PPP4R4: variants seen among roughly 807,000 people sequenced by gnomAD.
PPP4R4 encodes serine/threonine-protein phosphatase 4 regulatory subunit 4.
Under a neutral mutation model 121.8 loss-of-function variants are expected in PPP4R4, and 70 were observed. The ratio of observed to expected loss-of-function variants is 0.57; its 90% confidence interval spans 0.47 to 0.70. PPP4R4 has a LOEUF of 0.70. Ranked by LOEUF, PPP4R4 falls within the 30% of genes least tolerant of loss-of-function variation. The pLI, the probability that PPP4R4 is intolerant of heterozygous loss-of-function variation, is 0.00. For synonymous variants in PPP4R4, 348 were observed against 355.7 expected (o/e 0.98, Z 0.24); for missense variants, 875 against 1,033.6 (o/e 0.85, Z 2.10).
intron 3 of PPP4R4, among the ~76,000 whole-genome samples, chr14:94,209,482 A>T (rs1459491881): frequency 6.6e-6 from 1 of 152,108 alleles, no homozygotes; most frequent in African/African-American, 2.4e-5. Context: ...ATACCATGTT[A>T]TTTTCATGAG....
chr14:94,257,911 G>A (rs999914306), intron 17 of PPP4R4, among the ~76,000 whole-genome samples: 8 of 152,024 alleles, frequency 5.3e-5, no homozygotes, highest in South Asian at 2.1e-4. Flanking sequence ...CTTATTTTCA[G>A]TATGCTGCAT....
At chr14:94,200,683 T>TAG (rs1167793145) in intron 2 of PPP4R4, among the ~76,000 whole-genome samples, 1 of 152,184 alleles carries the variant, frequency 6.6e-6, no homozygotes, top group Non-Finnish European at 1.5e-5. Context: ...TTGTGATATC[T>TAG]CCCGTTTCAT....
chr14:94,259,422 G>T, intron 19 of PPP4R4, 53 bp downstream of exon 19: 5 of 1,437,150 alleles, frequency 3.5e-6, no homozygotes, highest in Non-Finnish European at 4.6e-6. Context: ...TAATAACTGT[G>T]TTTTTTTATT....
intron 11 of PPP4R4, 23 bp from the exon 12 acceptor site, chr14:94,244,612 G>A (rs45581733): frequency 0.03 from 43,917 of 1,451,068 alleles, 867 homozygotes; most frequent in Non-Finnish European, 0.037. Flanking sequence ...TCAAATCTGA[G>A]AGACTTTATT....
chr14:94,230,402 G>A (rs193092517), intron 3 of PPP4R4, among the ~76,000 whole-genome samples, 185 bp from the exon 4 acceptor site: 3 of 152,192 alleles, frequency 2.0e-5, no homozygotes, highest in African/African-American at 4.8e-5. Context: ...ATTTTATGTA[G>A]TGTAATGAGT....
At chr14:94,177,326 ACTT>A (rs966075799) in intron 2 of PPP4R4, among the ~76,000 whole-genome samples, 1 of 152,106 alleles carries the variant, frequency 6.6e-6, no homozygotes, top group Non-Finnish European at 1.5e-5. Flanking sequence ...TTCAAAGAAA[ACTT>A]CTATTTATGT....
intron 2 of PPP4R4, among the ~76,000 whole-genome samples, chr14:94,179,116 TTAAG>T (rs36118571): frequency 0.16 from 23,995 of 152,122 alleles, 1,992 homozygotes; most frequent in Middle Eastern, 0.24. Flanking sequence ...AACTGTACAG[TTAAG>T]TGAGTTTTAG....
At chr14:94,201,005 C>A (rs1053458318) in intron 2 of PPP4R4, among the ~76,000 whole-genome samples, 4 of 152,224 alleles carry the variant, frequency 2.6e-5, no homozygotes, top group Middle Eastern at 3.4e-3. Flanking sequence ...TGCTCTATCC[C>A]AGTGATTTTG....
chr14:94,256,141 T>A (rs1010180126), intron 16 of PPP4R4, among the ~76,000 whole-genome samples: 24 of 152,194 alleles, frequency 1.6e-4, no homozygotes, highest in African/African-American at 5.8e-4. Context: ...CTGCCCCTGG[T>A]ACTCCCTTGT....
chr14:94,258,270 A>G (rs1406155643), intron 17 of PPP4R4, among the ~76,000 whole-genome samples: 1 of 152,166 alleles, frequency 6.6e-6, no homozygotes, highest in African/African-American at 2.4e-5. Flanking sequence ...TAGATTGACC[A>G]TTGTTTTGAT....
chr14:94,197,169 C>T (rs1368105009), intron 2 of PPP4R4, among the ~76,000 whole-genome samples: 2 of 152,100 alleles, frequency 1.3e-5, no homozygotes, highest in South Asian at 2.1e-4. Context: ...AATTTGGATT[C>T]TGTTTCCCAG....
chr14:94,252,252 C>A (rs1315193224), intron 16 of PPP4R4, among the ~76,000 whole-genome samples: 1 of 152,164 alleles, frequency 6.6e-6, no homozygotes, highest in African/African-American at 2.4e-5. Flanking sequence ...CTTATCACTT[C>A]AAAGTTGTTT....
intron 3 of PPP4R4, among the ~76,000 whole-genome samples, chr14:94,211,530 G>C (rs1890737393): frequency 1.3e-5 from 2 of 152,140 alleles, no homozygotes; most frequent in Non-Finnish European, 2.9e-5. Flanking sequence ...TGGACCCAGT[G>C]GATGGTGTGG....
rs568325890 is a variant in PPP4R4, at chr14:94,228,778, G to A, written c.295-1809G>A. Among the ~76,000 whole-genome samples the A allele has an allele frequency of 5.9e-5, 9 of 152,322 alleles. No homozygotes were observed. The South Asian group carries it at 1.5e-3, about 25-fold the overall frequency. On this transcript the variant is annotated intron_variant, in intron 3 of 24. Coordinates refer to ENST00000304338, the MANE Select transcript of PPP4R4 (RefSeq NM_058237.2). Reference sequence around the variant, plus strand: ...CTGAATGCCTGCTGTGTGCTAGGAGGTGGGGACACATGAAGCTTGTGTCCA... The same window carrying A: ...CTGAATGCCTGCTGTGTGCTAGGAGATGGGGACACATGAAGCTTGTGTCCA...
chr14:94,259,491 G>C, intron 19 of PPP4R4, 122 bp downstream of exon 19: 1 of 1,280,782 alleles, frequency 7.8e-7, no homozygotes, highest in Non-Finnish European at 1.0e-6. Flanking sequence ...CTTCTTAAAT[G>C]ATAGTCCAGT....
chr14:94,208,222 C>A (rs1485774265), intron 2 of PPP4R4, among the ~76,000 whole-genome samples: 2 of 151,926 alleles, frequency 1.3e-5, no homozygotes, highest in Non-Finnish European at 2.9e-5. Flanking sequence ...AAACAATAGA[C>A]AATCTTGTTT....
At chr14:94,221,892 C>T (rs189927932) in intron 3 of PPP4R4, among the ~76,000 whole-genome samples, 262 of 152,152 alleles carry the variant, frequency 1.7e-3, no homozygotes, top group Middle Eastern at 6.8e-3. Flanking sequence ...AAGTCTTATA[C>T]ATGAATGTTC....
At chr14:94,258,947 G>A in intron 18 of PPP4R4, 123 bp downstream of exon 18, 5 of 922,914 alleles carry the variant, frequency 5.4e-6, no homozygotes, top group Non-Finnish European at 8.3e-6. Flanking sequence ...CCACGTGGCT[G>A]GGGAGGCCTC....
chr14:94,210,057 A>G (rs1254373019), intron 3 of PPP4R4, among the ~76,000 whole-genome samples: 1 of 151,594 alleles, frequency 6.6e-6, no homozygotes, highest in African/African-American at 2.4e-5. Context: ...ACTTTTTTTT[A>G]TTTTCTTACT....
Sources: gnomAD v4.1 joint callset for allele counts (sites outside exome capture counted in the v4.1 genomes callset) on GRCh38, gnomAD v4.1.1 for gene constraint, MANE v1.5 for transcripts, NCBI Gene and HGNC (gene_info 2026-07-23, HGNC 2026-07-21) for gene names.